PCDHGB1: variants seen among roughly 807,000 people sequenced by gnomAD.
PCDHGB1 encodes protocadherin gamma subfamily B, 1.
A neutral mutation model predicts 56.6 loss-of-function variants in PCDHGB1; 34 were observed. The observed-to-expected ratio is 0.60, with a 90% CI of 0.46 to 0.80. The LOEUF (loss-of-function observed/expected upper bound fraction) is 0.80. Ranked by LOEUF, PCDHGB1 falls within the 30% of genes least tolerant of loss-of-function variation. PCDHGB1 has a pLI of 0.00. For synonymous variants in PCDHGB1, 561 were observed against 505.9 expected (o/e 1.11, Z -1.46); for missense variants, 1,278 against 1,204.6 (o/e 1.06, Z -0.90).
intron 1 of PCDHGB1, among the ~76,000 whole-genome samples, chr5:141,435,150 C>G (rs1256233613): frequency 6.6e-6 from 1 of 152,006 alleles, no homozygotes; most frequent in Non-Finnish European, 1.5e-5. Context: ...TTGTGATAAA[C>G]TTTTGTAAAT....
chr5:141,397,816 A>G (rs1403683863), intron 1 of PCDHGB1, among the ~76,000 whole-genome samples: 2 of 152,230 alleles, frequency 1.3e-5, no homozygotes, highest in African/African-American at 4.8e-5. Context: ...CACAAAAACA[A>G]TTACTGCACT....
intron 1 of PCDHGB1, chr5:141,377,300 T>A (rs929187277): frequency 3.3e-5 from 5 of 152,140 alleles, no homozygotes; most frequent in Admixed American, 2.6e-4. Flanking sequence ...TTTAGGTCAG[T>A]GTTAAAGATC....
At chr5:141,371,313 C>A in intron 1 of PCDHGB1, 2 of 1,613,964 alleles carry the variant, frequency 1.2e-6, no homozygotes, top group South Asian at 1.1e-5. Flanking sequence ...TATTGGAGAA[C>A]TGGACTTTGA....
chr5:141,438,392 A>C (rs2097958012), intron 1 of PCDHGB1, among the ~76,000 whole-genome samples: 1 of 151,714 alleles, frequency 6.6e-6, no homozygotes, highest in African/African-American at 2.4e-5. Context: ...TTAGTTCATC[A>C]TTAACTCTCT....
At chr5:141,355,073 G>T in intron 1 of PCDHGB1, 1 of 1,374,922 alleles carries the variant, frequency 7.3e-7, no homozygotes, top group East Asian at 2.4e-5. Flanking sequence ...CTTTATGAAA[G>T]CTTCAAGCGG....
intron 1 of PCDHGB1, chr5:141,430,946 G>C: frequency 6.2e-7 from 1 of 1,609,494 alleles, no homozygotes. Context: ...CGCGGAGCGC[G>C]GAGTCCGCAT....
At chr5:141,500,452 G>C (rs554196222) in intron 2 of PCDHGB1, among the ~76,000 whole-genome samples, 1 of 151,506 alleles carries the variant, frequency 6.6e-6, no homozygotes, top group South Asian at 2.1e-4. Context: ...CTCGTGATCC[G>C]CCCGCCTCGG....
intron 1 of PCDHGB1, among the ~76,000 whole-genome samples, chr5:141,369,456 C>T (rs920730246): frequency 5.3e-5 from 8 of 152,070 alleles, no homozygotes; most frequent in Non-Finnish European, 8.8e-5. Flanking sequence ...TGCTTAAAGC[C>T]AGGTGTTCTA....
intron 1 of PCDHGB1, chr5:141,357,154 C>T: frequency 1.2e-6 from 2 of 1,613,536 alleles, no homozygotes; most frequent in Non-Finnish European, 1.7e-6. Context: ...CCATGGCCAG[C>T]CCCCTCTCTC....
At chr5:141,452,760 G>C (rs920853226) in intron 1 of PCDHGB1, among the ~76,000 whole-genome samples, 1 of 152,120 alleles carries the variant, frequency 6.6e-6, no homozygotes, top group African/African-American at 2.4e-5. Context: ...AAGGAAGGGA[G>C]GGAGGGAAAA....
At chr5:141,413,215 T>C in intron 1 of PCDHGB1, 1 of 1,613,350 alleles carries the variant, frequency 6.2e-7, no homozygotes, top group Non-Finnish European at 8.5e-7. Context: ...ATCAAAGGAT[T>C]GCAGCGGGCT....
chr5:141,393,057 G>A lies in PCDHGB1; in HGVS notation c.2409+40388G>A, dbSNP rs1273747847. On this transcript the variant is annotated intron_variant, in intron 1 of 3. Transcript: ENST00000523390. ...GCTCTTTGCTCTGAACCCGCGCAGC[G>A]GCAGCTTGATCACCGCGGGCAGGAT... 6 of 1,613,514 alleles carry A rather than the reference G, an allele frequency of 3.7e-6. No homozygotes were observed. The African/African-American group carries it at 4.0e-5, about 11-fold the overall frequency.
In PCDHGB1 at chr5:141,477,510, A is replaced by G; in HGVS notation, c.2410-17297A>G. On this transcript the variant is annotated intron_variant, in intron 1 of 3. Transcript: ENST00000523390. This position sits in a 1 kb window ranked among gnomAD's most constrained non-coding sequence, Gnocchi z 4.9. ...TCTTCTCAATCTTCCTACGACGTTT[A>G]CATTGAAGAAAACAACCTCCCCGGG... is the stretch of plus-strand genomic sequence containing the variant. 3 of 1,614,172 alleles carry G rather than the reference A, an allele frequency of 1.9e-6. No homozygotes were observed. Among genetic ancestry groups the G allele is most frequent in the Non-Finnish European group, 2.5e-6 (3 of 1,180,018 alleles).
intron 1 of PCDHGB1, among the ~76,000 whole-genome samples, chr5:141,473,873 C>CA (rs1471085914): frequency 2.6e-5 from 4 of 152,130 alleles, no homozygotes; most frequent in African/African-American, 7.2e-5. Flanking sequence ...GTGGAGAATG[C>CA]ATACACAAGG....
chr5:141,364,788 T>C lies in PCDHGB1; in HGVS notation c.2409+12119T>C. 5 of 1,614,034 alleles carry C rather than the reference T, an allele frequency of 3.1e-6. No homozygotes were observed. Among genetic ancestry groups the C allele is most frequent in the South Asian group, 2.2e-5 (2 of 91,086 alleles). On this transcript the variant is annotated intron_variant, in intron 1 of 3. Transcript: ENST00000523390. Reference sequence around the variant, plus strand: ...AATGCGGCTGCAGGGACACGGTTAGTGCTTCCCTTCGCGCGGGATGCGGAT... The same window carrying C: ...AATGCGGCTGCAGGGACACGGTTAGCGCTTCCCTTCGCGCGGGATGCGGAT...
rs770828917 is a variant in PCDHGB1 at position 141,431,306 on chromosome 5, C to G, written c.2410-63501C>G. ...GAACACTCACTTCTCCCTCATCGTG[C>G]AAAATGGAGCCGACGGTAGTAAGTA... On this transcript the variant is annotated intron_variant, in intron 1 of 3. Transcript: ENST00000523390. The surrounding 1 kb of genome is among the most constrained non-coding windows in gnomAD (Gnocchi z 4.8). 6.2e-7 allele frequency: 1 copy of G among 1,614,124 alleles called. No homozygotes were observed. The highest frequency in any genetic ancestry group is 2.2e-5 in the East Asian group (1 of 44,878).
intron 1 of PCDHGB1, chr5:141,423,558 G>T: frequency 1.2e-6 from 2 of 1,613,580 alleles, no homozygotes; most frequent in Non-Finnish European, 1.7e-6. Context: ...CCAACTATGG[G>T]GACACGCTCA....
At chr5:141,399,728 G>A in intron 1 of PCDHGB1, 1 of 1,613,276 alleles carries the variant, frequency 6.2e-7, no homozygotes, top group East Asian at 2.2e-5. Flanking sequence ...CGCGACCAGG[G>A]CTCGCCTGCG....
rs746913952 is a variant in PCDHGB1, at chr5:141,432,898, G to A, written c.2410-61909G>A. The A allele has an allele frequency of 1.2e-6, 2 of 1,614,174 alleles. No homozygotes were observed. Among genetic ancestry groups the A allele is most frequent in the South Asian group, 1.1e-5 (1 of 91,090 alleles). On this transcript the variant is annotated intron_variant, in intron 1 of 3. Transcript: ENST00000523390. This position sits in a 1 kb window ranked among gnomAD's most constrained non-coding sequence, Gnocchi z 6.0. ...TGGCCTTCGTCATCTTGCTGCTGGC[G>A]CTCAGGCTGCGGCGCTGGCACAAGT...
Sources: gnomAD v4.1 joint callset for allele counts (sites outside exome capture counted in the v4.1 genomes callset) on GRCh38, gnomAD v4.1.1 for gene constraint, Gnocchi (gnomAD v3.1) non-coding constraint, MANE v1.5 for transcripts, NCBI Gene and HGNC (gene_info 2026-07-23, HGNC 2026-07-21) for gene names.